Variants in B3GALNT2 observed in about 807,000 individuals in gnomAD.
B3GALNT2 encodes UDP-GalNAc:beta-1,3-N-acetylgalactosaminyltransferase 2.
In B3GALNT2, 53 loss-of-function variants were observed where a neutral mutation model predicts 61.1. The observed-to-expected ratio is 0.87, with a 90% CI of 0.70 to 1.09. The LOEUF is 1.09. B3GALNT2 is among the 50% of genes least tolerant of loss of function. The pLI is 0.00. For missense variants in B3GALNT2, 544 were observed against 623.0 expected (o/e 0.87, Z 1.35); for synonymous variants, 223 against 237.4 (o/e 0.94, Z 0.56).
intron 5 of B3GALNT2, among the ~76,000 whole-genome samples, chr1:235,473,801 C>T (rs892631955): frequency 1.3e-4 from 20 of 152,096 alleles, no homozygotes; most frequent in South Asian, 1.2e-3. Flanking sequence ...CTATAGTGAC[C>T]AGATAAAAAT....
the B3GALNT2 span, chr1:235,441,782 T>A: frequency 6.2e-7 from 1 of 1,604,026 alleles, no homozygotes. Flanking sequence ...GGCCTTTGGT[T>A]TATCATTCAT....
At chr1:235,494,942 A>G in intron 1 of B3GALNT2, 114 bp from the exon 2 acceptor site, 1 of 1,082,456 alleles carries the variant, frequency 9.2e-7, no homozygotes, top group Non-Finnish European at 1.3e-6. Context: ...ATTCAGATAA[A>G]CACAAAGAAA....
chr1:235,457,071 G>A (rs1683198524), intron 8 of B3GALNT2, among the ~76,000 whole-genome samples: 1 of 152,052 alleles, frequency 6.6e-6, no homozygotes, highest in Admixed American at 6.6e-5. Flanking sequence ...ACTTTGGGAG[G>A]CCAAGGCAGG....
chr1:235,500,625 T>C (rs900073400), intron 1 of B3GALNT2, among the ~76,000 whole-genome samples: 1 of 151,934 alleles, frequency 6.6e-6, no homozygotes, highest in African/African-American at 2.4e-5. Context: ...ATCTTGAAAA[T>C]GAAGAAAACA....
rs558761473 is a variant in B3GALNT2, at chr1:235,484,843, A to C, written c.362-328T>G. On this transcript the variant is annotated intron_variant, in intron 3 of 11. Coordinates refer to ENST00000366600, the MANE Select transcript of B3GALNT2 (RefSeq NM_152490.5). The stretch of plus-strand genomic sequence containing the variant: ...GTCAACTGGAAGGCATCTATTTGGA[A>C]GGGTTGGATAAATAGAAATAAGAAA... Among the ~76,000 whole-genome samples the C allele has an allele frequency of 3.9e-5, 6 of 152,342 alleles. No homozygotes were observed. The East Asian group carries it at 9.6e-4, about 24-fold the overall frequency.
At chr1:235,479,409 G>C (rs1684450416) in intron 5 of B3GALNT2, 1 of 152,258 alleles carries the variant, frequency 6.6e-6, no homozygotes, top group Non-Finnish European at 1.5e-5. Context: ...GGCTGAAGCT[G>C]ATGAATGAAT....
At chr1:235,482,835 A>C (rs1684621094) in intron 4 of B3GALNT2, among the ~76,000 whole-genome samples, 1 of 152,114 alleles carries the variant, frequency 6.6e-6, no homozygotes, top group Non-Finnish European at 1.5e-5. Context: ...AAACAACAAC[A>C]AAAAAACCGA....
the B3GALNT2 span, among the ~76,000 whole-genome samples, chr1:235,440,648 C>T: frequency 6.6e-6 from 1 of 152,140 alleles, no homozygotes; most frequent in African/African-American, 2.4e-5. Context: ...CCCGCCTCAG[C>T]CTCCCAAAGT....
chr1:235,474,266 A>G (rs1311685088), intron 5 of B3GALNT2, among the ~76,000 whole-genome samples: 1 of 152,240 alleles, frequency 6.6e-6, no homozygotes, highest in African/African-American at 2.4e-5. Flanking sequence ...TACTAAGATC[A>G]TAAAAACCAA....
downstream of B3GALNT2, among the ~76,000 whole-genome samples, chr1:235,444,407 A>G (rs1682104173): frequency 6.6e-6 from 1 of 152,030 alleles, no homozygotes; most frequent in Non-Finnish European, 1.5e-5. Flanking sequence ...TATTTTTGAT[A>G]TATTTTTTTC....
intron 8 of B3GALNT2, among the ~76,000 whole-genome samples, chr1:235,458,319 G>C (rs994067527): frequency 3.3e-5 from 5 of 152,094 alleles, no homozygotes; most frequent in African/African-American, 1.2e-4. Context: ...TCATATCCCA[G>C]GTGCTCAGTG....
At chr1:235,446,551 G>C (rs148695179), downstream of B3GALNT2, among the ~76,000 whole-genome samples, 18 of 152,180 alleles carry the variant, frequency 1.2e-4, no homozygotes, top group East Asian at 3.5e-3. Context: ...TTTAACACTG[G>C]TCATAGGCAG....
chr1:235,484,871 C>A (rs1397525407), intron 3 of B3GALNT2, among the ~76,000 whole-genome samples: 1 of 152,162 alleles, frequency 6.6e-6, no homozygotes. Context: ...ATAAGAAAAA[C>A]AGTACTGACT....
chr1:235,446,657 T>G (rs367824029), downstream of B3GALNT2, among the ~76,000 whole-genome samples: 2 of 151,940 alleles, frequency 1.3e-5, no homozygotes, highest in South Asian at 2.1e-4. Flanking sequence ...TACATAGAGA[T>G]TGCTACTTTC....
At chr1:235,485,319 CT>C (rs1041162714) in intron 3 of B3GALNT2, among the ~76,000 whole-genome samples, 15 of 152,270 alleles carry the variant, frequency 9.9e-5, no homozygotes, top group African/African-American at 2.9e-4. Context: ...AATAATTTTT[CT>C]TTTATTTCTT....
intron 8 of B3GALNT2, among the ~76,000 whole-genome samples, chr1:235,456,023 C>T (rs1309256458): frequency 6.6e-6 from 1 of 152,204 alleles, no homozygotes; most frequent in Admixed American, 6.5e-5. Context: ...TATTAAACGC[C>T]TGAACCTTGC....
downstream of B3GALNT2, among the ~76,000 whole-genome samples, chr1:235,444,029 G>T (rs981562881): frequency 1.3e-5 from 2 of 152,154 alleles, no homozygotes; most frequent in Non-Finnish European, 2.9e-5. Flanking sequence ...TTAAATAAAT[G>T]AAATACACAT....
In B3GALNT2 at chr1:235,448,831, C is replaced by T. The variant is rs973535871; in HGVS notation, c.*1375G>A. On this transcript the variant is annotated 3_prime_UTR_variant, in exon 12 of 12. Coordinates refer to ENST00000366600, the MANE Select transcript of B3GALNT2 (RefSeq NM_152490.5). The stretch of plus-strand genomic sequence containing the variant: ...TGGGGTTCACCGGAAATAAATGATT[C>T]ACTGGAACAATTCTACTGTCAAAAC... 74 of 1,133,704 alleles carry T rather than the reference C, an allele frequency of 6.5e-5. No homozygotes were observed. The highest frequency in any genetic ancestry group is 5.7e-4 in the Middle Eastern group (3 of 5,226). The allele number at this position is 1,133,704 out of a possible 1,614,324, so 70.2% of individuals were successfully genotyped here.
chr1:235,487,888 A>G (rs567927766), intron 3 of B3GALNT2, among the ~76,000 whole-genome samples: 1 of 152,188 alleles, frequency 6.6e-6, no homozygotes, highest in African/African-American at 2.4e-5. Flanking sequence ...TGCTGGACCC[A>G]AGCAGTCCTC....
Sources: allele counts gnomAD v4.1 joint callset (sites outside exome capture counted in the v4.1 genomes callset), GRCh38; gene constraint gnomAD v4.1.1; transcripts MANE v1.5; gene names NCBI Gene and HGNC (gene_info 2026-07-23, HGNC 2026-07-21).